TMEM8B: variants seen among roughly 807,000 people sequenced by gnomAD.
TMEM8B encodes nasopharyngeal carcinoma expressed 6.
TMEM8B carries 29 observed loss-of-function variants against 49.3 expected under a neutral mutation model. The observed-to-expected ratio is 0.59, with a 90% confidence interval of 0.44 to 0.80. The LOEUF (loss-of-function observed/expected upper bound fraction) is 0.80. TMEM8B is among the 30% of genes least tolerant of loss of function. The pLI is 0.00. For missense variants in TMEM8B, 575 were observed against 658.5 expected (o/e 0.87, Z 1.39); for synonymous variants, 264 against 272.8 (o/e 0.97, Z 0.32).
chr9:35,847,686 C>T (rs953136250), intron 10 of TMEM8B, among the ~76,000 whole-genome samples: 1 of 152,236 alleles, frequency 6.6e-6, no homozygotes, highest in South Asian at 2.1e-4. Flanking sequence ...TGTCATATCA[C>T]ATCCCAGCTC....
In TMEM8B at chr9:35,842,641, C is replaced by T; in HGVS notation, c.1559C>T (p.Pro520Leu). Residue 520 changes from proline to leucine, a missense_variant, in exon 6 of 13, where the codon CCA becomes CTA. Coordinates refer to ENST00000643932, the MANE Select transcript of TMEM8B (RefSeq NM_001042590.4). This position sits in a 1 kb window ranked among gnomAD's most constrained non-coding sequence, Gnocchi z 5.6. Reference sequence around the variant, plus strand: ...AGTGTGGCCCTTCCCCCTGAGCGCCCAGCCGTGTTCGCCATGAGGCTGTTG... The same window carrying T: ...AGTGTGGCCCTTCCCCCTGAGCGCCTAGCCGTGTTCGCCATGAGGCTGTTG... Reference protein sequence around the residue: ...GPSVALPPERPAVFAMRLLPV... With the variant: ...GPSVALPPERLAVFAMRLLPV... 1 of 1,614,214 alleles carries T rather than the reference C, an allele frequency of 6.2e-7. No homozygotes were observed.
rs1832527921 is a variant in TMEM8B at position 35,855,972 on chromosome 9, C to A, written c.*2132C>A. On this transcript the variant is annotated 3_prime_UTR_variant, in exon 13 of 13. Transcript: ENST00000643932. ...AGCCAGGTCACTGGGATGCTTGAAC[C>A]CAAATAGCTGGGATTCTGGACAGAG... The A allele has an allele frequency of 6.6e-6, 1 of 152,066 alleles. No individual in the cohort carries two copies. Among genetic ancestry groups the A allele is most frequent in the South Asian group, 2.1e-4 (1 of 4,822 alleles). The allele number at this position is 152,066 out of a possible 1,614,324, so 9.4% of individuals were successfully genotyped here.
intron 1 of TMEM8B, among the ~76,000 whole-genome samples, chr9:35,830,953 C>G (rs969181980): frequency 6.6e-6 from 1 of 152,010 alleles, no homozygotes; most frequent in Non-Finnish European, 1.5e-5. Flanking sequence ...CTTCATGGCC[C>G]AAGTCTGTAG....
Position 35,829,627 on chromosome 9 carries a change from CCT to C in TMEM8B, c.181_182del (p.Leu61ValfsTer18), listed in dbSNP as rs1233189273. On this transcript the variant is annotated frameshift_variant, in exon 1 of 13. Coordinates refer to ENST00000643932, the MANE Select transcript of TMEM8B (RefSeq NM_001042590.4). LOFTEE classifies it high-confidence loss of function. ...PSRPRPSFHP[L>X]SQIPAQALSQ... ...CCCGGCCTCGGCCCTCGTTCCACCC[CCT>C]GTCACAAATCCCAGCCCAGGCCCTG... 2.5e-6 allele frequency: 1 copy of C among 400,366 alleles called. No homozygotes were observed. Among genetic ancestry groups the C allele is most frequent in the African/African-American group, 2.1e-5 (1 of 48,606 alleles). 24.8% of individuals were successfully genotyped at this position (400,366 alleles called of 1,614,324 possible). A position where few individuals can be genotyped will look rare whatever the true frequency, so the allele number is the denominator to read the frequency against.
chr9:35,842,416 G>A lies in TMEM8B; in HGVS notation c.1334G>A (p.Arg445Gln), dbSNP rs751361598. 12 of 1,537,924 alleles carry A rather than the reference G, an allele frequency of 7.8e-6. No individual in the cohort carries two copies. The highest frequency in any genetic ancestry group is 8.8e-6 in the Non-Finnish European group (10 of 1,140,458). The part of the protein sequence containing the change: ...LQECPQPGLL[R>Q]ALVPGAAMNM... ...GAGTGCCCACAGCCCGGCCTGCTCC[G>A]AGCCCTGGTCCCTGGAGCTGCCATG... The change falls in exon 6 of 13, where the codon CGA (arginine) becomes CAA (glutamine). Residue 445 changes from arginine to glutamine, a missense_variant. Coordinates refer to ENST00000643932, the MANE Select transcript of TMEM8B (RefSeq NM_001042590.4). The surrounding 1 kb of genome is among the most constrained non-coding windows in gnomAD (Gnocchi z 5.6).
chr9:35,840,606 T>C (rs1433310371), intron 3 of TMEM8B, among the ~76,000 whole-genome samples: 1 of 151,918 alleles, frequency 6.6e-6, no homozygotes, highest in Non-Finnish European at 1.5e-5. Context: ...AAGCAGAGGC[T>C]GGACAAGCAC....
intron 6 of TMEM8B, chr9:35,845,469 AG>A: frequency 2.0e-6 from 2 of 985,426 alleles, no homozygotes; most frequent in Non-Finnish European, 2.4e-6. Flanking sequence ...AATCCCAGCC[AG>A]GTTGCTACAT....
At chr9:35,851,603 G>C (rs551323185) in intron 10 of TMEM8B, among the ~76,000 whole-genome samples, 25 of 152,272 alleles carry the variant, frequency 1.6e-4, no homozygotes, top group Admixed American at 9.8e-4. Flanking sequence ...CTTAAAACAT[G>C]TTCATCCTTA....
intron 10 of TMEM8B, among the ~76,000 whole-genome samples, chr9:35,848,968 G>C (rs182905281): frequency 6.6e-6 from 1 of 152,064 alleles, no homozygotes; most frequent in Non-Finnish European, 1.5e-5. Flanking sequence ...CCACTGCGCC[G>C]GGCCAAAATC....
rs1832409180 is a variant in TMEM8B at position 35,854,248 on chromosome 9, T to TC, written c.*411dup. 5.9e-6 allele frequency: 1 copy of TC among 169,052 alleles called. No homozygotes were observed. Among genetic ancestry groups the TC allele is most frequent in the Admixed American group, 6.4e-5 (1 of 15,652 alleles). 10.5% of individuals were successfully genotyped at this position (169,052 alleles called of 1,614,324 possible). Reference sequence around the variant, plus strand: ...TTGGGGAAACCAAATTTCCAGATTTTCCCAGAGGCTCAGCAACTCTGGCCT... The same window carrying TC: ...TTGGGGAAACCAAATTTCCAGATTTTCCCCAGAGGCTCAGCAACTCTGGCCT... On this transcript the variant is annotated 3_prime_UTR_variant, in exon 13 of 13. Transcript: ENST00000643932.
Position 35,859,254 on chromosome 9 carries a change from G to T in TMEM8B, c.*5414G>T. On this transcript the variant is annotated 3_prime_UTR_variant, in exon 13 of 13. Transcript: ENST00000643932. ...TGTCCCATAAAAAACCACCACCACT[G>T]TGCGGTGGGCTGAGCAGGTGGAGAA... The T allele has an allele frequency of 6.3e-6, 1 of 159,256 alleles. No individual in the cohort carries two copies. The allele number at this position is 159,256 out of a possible 1,614,324, so 9.9% of individuals were successfully genotyped here. A position where few individuals can be genotyped will look rare whatever the true frequency, so the allele number is the denominator to read the frequency against.
chr9:35,853,945 A>C lies in TMEM8B; in HGVS notation c.*105A>C. The C allele has an allele frequency of 1.4e-6, 2 of 1,410,154 alleles. No individual in the cohort carries two copies. Among genetic ancestry groups the C allele is most frequent in the South Asian group, 3.4e-5 (2 of 59,530 alleles). The allele number at this position is 1,410,154 out of a possible 1,614,324, so 87.4% of individuals were successfully genotyped here. ...GAGACAGGCTGTATTTCTTGAGGAC[A>C]TGGAGTCTTTCTCAAGGACACAAAA... On this transcript the variant is annotated 3_prime_UTR_variant, in exon 13 of 13. Transcript: ENST00000643932. This position sits in a 1 kb window ranked among gnomAD's most constrained non-coding sequence, Gnocchi z 4.2.
intron 10 of TMEM8B, among the ~76,000 whole-genome samples, chr9:35,850,258 AAAC>A (rs1832013852): frequency 1.3e-5 from 2 of 152,248 alleles, no homozygotes; most frequent in South Asian, 4.1e-4. Context: ...CACAGAAAAA[AAAC>A]CTTGCAGGAT....
chr9:35,830,778 C>T lies in TMEM8B; in HGVS notation c.508+823C>T, dbSNP rs190587525. Among the ~76,000 whole-genome samples, 7 of 152,324 alleles carry T rather than the reference C, an allele frequency of 4.6e-5. No individual in the cohort carries two copies. In the East Asian group the frequency reaches 1.3e-3, roughly 29 times the overall value. Reference sequence around the variant, plus strand: ...AGGGTGCTTTATCCACAAACTGTTCCTTATTTGCCAGGCGTCAGCCAAGGG... The same window carrying T: ...AGGGTGCTTTATCCACAAACTGTTCTTTATTTGCCAGGCGTCAGCCAAGGG... On this transcript the variant is annotated intron_variant, in intron 1 of 12. Coordinates refer to ENST00000643932, the MANE Select transcript of TMEM8B (RefSeq NM_001042590.4).
intron 1 of TMEM8B, among the ~76,000 whole-genome samples, chr9:35,833,121 G>A (rs764927379): frequency 1.1e-4 from 17 of 152,120 alleles, no homozygotes; most frequent in Non-Finnish European, 1.9e-4. Flanking sequence ...TTCAGTGTTC[G>A]TCCTTCAGCA....
intron 6 of TMEM8B, 166 bp from the exon 7 acceptor site, chr9:35,845,809 T>A: frequency 2.0e-6 from 2 of 985,384 alleles, no homozygotes; most frequent in Non-Finnish European, 2.4e-6. Flanking sequence ...GTTTTTCAGT[T>A]TTTCTGTTCT....
At position 35,841,118 on chromosome 9, in the gene TMEM8B, C is replaced by A. The variant is rs145834745; in HGVS notation, c.907-16C>A. 221 of 415,812 alleles carry A rather than the reference C, an allele frequency of 5.3e-4. 1 individual carries two copies. In the East Asian group the frequency reaches 7.8e-3, roughly 15 times the overall value. The allele number at this position is 415,812 out of a possible 1,614,324, so 25.8% of individuals were successfully genotyped here. A position where few individuals can be genotyped will look rare whatever the true frequency, so the allele number is the denominator to read the frequency against. On this transcript the variant is annotated splice_polypyrimidine_tract_variant and intron_variant, in intron 3 of 12. Coordinates refer to ENST00000643932, the MANE Select transcript of TMEM8B (RefSeq NM_001042590.4). The surrounding 1 kb of genome is among the most constrained non-coding windows in gnomAD (Gnocchi z 5.9). ...TGCTGTCTCTCCCTCTCCTGCCACCCCTGCTTTTGTCCCAGGGTCTCCAGG... is the reference window on the plus strand; with the variant it reads ...TGCTGTCTCTCCCTCTCCTGCCACCACTGCTTTTGTCCCAGGGTCTCCAGG...
chr9:35,830,015 C>T (rs1010803777), intron 1 of TMEM8B, 60 bp downstream of exon 1: 1 of 413,666 alleles, frequency 2.4e-6, no homozygotes, highest in African/African-American at 2.0e-5. Context: ...GAGGGGTGGG[C>T]TGGAGAGATT....
intron 6 of TMEM8B, among the ~76,000 whole-genome samples, chr9:35,844,328 G>A (rs921144272): frequency 6.6e-6 from 1 of 152,234 alleles, no homozygotes; most frequent in Non-Finnish European, 1.5e-5. Context: ...TACTGTCAGC[G>A]TTAAGACTGA....
Sources: gnomAD v4.1 joint callset for allele counts (sites outside exome capture counted in the v4.1 genomes callset) on GRCh38, gnomAD v4.1.1 for gene constraint, Gnocchi (gnomAD v3.1) non-coding constraint, MANE v1.5 for transcripts, NCBI Gene and HGNC (gene_info 2026-07-23, HGNC 2026-07-21) for gene names.